Variants in CPPED1 observed in about 807,000 individuals in gnomAD.
CPPED1 encodes the protein calcineurin like phosphoesterase domain containing 1, also known as serine/threonine-protein phosphatase CPPED1.
CPPED1 carries 28 observed loss-of-function variants against 28.0 expected under a neutral mutation model. The ratio of observed to expected loss-of-function variants is 1.00; its 90% CI spans 0.74 to 1.37. The LOEUF (loss-of-function observed/expected upper bound fraction) is 1.37, where lower values mean the gene tolerates loss of function less well. CPPED1 is among the 40% of genes most tolerant of loss of function. CPPED1 has a pLI of 0.00. For synonymous variants in CPPED1, 198 were observed against 180.2 expected, an observed-to-expected ratio of 1.10 and a Z score of -0.79; for missense variants, 504 against 416.5, an observed-to-expected ratio of 1.21 and a Z score of -1.83.
At chr16:12,742,155 G>A (rs559351766) in intron 2 of CPPED1, among the ~76,000 whole-genome samples, 1 of 152,296 alleles carries the variant, frequency 6.6e-6, no homozygotes, top group East Asian at 1.9e-4. Flanking sequence ...ATGTGGAAAT[G>A]ACCATGATAC....
At chr16:12,789,955 C>T (rs766227283) in intron 1 of CPPED1, among the ~76,000 whole-genome samples, 4 of 152,176 alleles carry the variant, frequency 2.6e-5, no homozygotes, top group South Asian at 2.1e-4. Context: ...TTCCACATTT[C>T]GGCTAACTTA....
chr16:12,783,371 T>A (rs2080543793), intron 1 of CPPED1, among the ~76,000 whole-genome samples: 1 of 151,784 alleles, frequency 6.6e-6, no homozygotes, highest in Admixed American at 6.6e-5. Context: ...TGGTGGTGCA[T>A]CCCTATAGTC....
chr16:12,715,717 G>A (rs144428946), intron 2 of CPPED1, among the ~76,000 whole-genome samples: 6 of 152,156 alleles, frequency 3.9e-5, no homozygotes, highest in Admixed American at 3.3e-4. Context: ...TAGTAGAGAC[G>A]GAGTTTCTCC....
At position 12,704,711 on chromosome 16, in the gene CPPED1, G is replaced by C; in HGVS notation, c.628C>G (p.Leu210Val). The change falls in exon 3 of 4, where the codon CTG becomes GTG. Residue 210 changes from leucine to valine, a missense_variant. By Grantham distance (32) the Leu-to-Val change is conservative. Transcript: ENST00000381774. ...TCGTCGTCCTCGTCGATGCTCTCCA[G>C]GAACAGCGGGATGTGCTGGAAGACG... The part of the protein sequence containing the change: ...AIVFQHIPLF[L>V]ESIDEDDDYY... 1 of 1,614,218 alleles carries C rather than the reference G, an allele frequency of 6.2e-7. No homozygotes were observed. The highest frequency in any genetic ancestry group is 8.5e-7 in the Non-Finnish European group (1 of 1,180,042).
chr16:12,785,561 G>A (rs1214346965), intron 1 of CPPED1, among the ~76,000 whole-genome samples: 2 of 151,662 alleles, frequency 1.3e-5, no homozygotes, highest in East Asian at 1.9e-4. Context: ...CCGAGTAGCT[G>A]CGATTACAGG....
At chr16:12,702,060 T>G (rs754710763) in intron 3 of CPPED1, among the ~76,000 whole-genome samples, 1 of 152,186 alleles carries the variant, frequency 6.6e-6, no homozygotes, top group Non-Finnish European at 1.5e-5. Flanking sequence ...ATTAATCAAC[T>G]GCCATTCTGG....
Position 12,745,358 on chromosome 16 carries a change from G to C in CPPED1, c.289+35827C>G, listed in dbSNP as rs11075152. ...GGAATATAAAGCATTCTACCATAAA[G>C]TCACATGCATGCGAATGTGCACTGC... is the stretch of plus-strand genomic sequence containing the variant. On this transcript the variant is annotated intron_variant, in intron 2 of 3. Coordinates refer to ENST00000381774, the MANE Select transcript of CPPED1 (RefSeq NM_018340.3). Among the ~76,000 whole-genome samples the C allele has an allele frequency of 1.5e-4, 23 of 152,286 alleles. No individual in the cohort carries two copies. The East Asian group carries it at 4.2e-3, about 28-fold the overall frequency.
At chr16:12,793,956 T>C (rs2080611468) in intron 1 of CPPED1, among the ~76,000 whole-genome samples, 3 of 152,194 alleles carry the variant, frequency 2.0e-5, no homozygotes, top group African/African-American at 4.8e-5. Context: ...TTTCTCACAA[T>C]AGCAATCTGC....
At chr16:12,801,961 C>T (rs1283574642) in intron 1 of CPPED1, among the ~76,000 whole-genome samples, 1 of 152,140 alleles carries the variant, frequency 6.6e-6, no homozygotes, top group Non-Finnish European at 1.5e-5. Context: ...CCTTGACCTT[C>T]AGGGGTGGGG....
At chr16:12,799,304 C>T (rs541185319) in intron 1 of CPPED1, among the ~76,000 whole-genome samples, 19 of 148,904 alleles carry the variant, frequency 1.3e-4, no homozygotes, top group African/African-American at 4.7e-4. Context: ...TAGAGTGCAG[C>T]GGGCAATCTT....
intron 3 of CPPED1, among the ~76,000 whole-genome samples, chr16:12,669,887 A>G (rs2079845166): frequency 6.6e-6 from 1 of 152,234 alleles, no homozygotes; most frequent in Non-Finnish European, 1.5e-5. Flanking sequence ...AAAACCCTGC[A>G]ACGATGGGGT....
At chr16:12,672,166 C>A (rs1237211831) in intron 3 of CPPED1, among the ~76,000 whole-genome samples, 1 of 152,244 alleles carries the variant, frequency 6.6e-6, no homozygotes, top group African/African-American at 2.4e-5. Context: ...TGCATGACTG[C>A]AATTCCATTG....
At chr16:12,737,697 T>C (rs2080233815) in intron 2 of CPPED1, among the ~76,000 whole-genome samples, 1 of 152,154 alleles carries the variant, frequency 6.6e-6, no homozygotes, top group Non-Finnish European at 1.5e-5. Flanking sequence ...GAGGCTGCAG[T>C]GGTCAGAGGG....
chr16:12,766,256 T>TATATATATAGAGAGAGAGAG, intron 2 of CPPED1, among the ~76,000 whole-genome samples: 2 of 134,250 alleles, frequency 1.5e-5, no homozygotes, highest in African/African-American at 7.0e-5. Context: ...TATATATATA[T>TATATATATAGAGAGAGAGAG]AGAGAGAGAG....
intron 1 of CPPED1, among the ~76,000 whole-genome samples, chr16:12,801,596 C>G (rs2080659999): frequency 6.6e-6 from 1 of 151,976 alleles, no homozygotes; most frequent in Non-Finnish European, 1.5e-5. Flanking sequence ...CAGAACATAG[C>G]TTGTAGGTAT....
rs184843193 is a variant in CPPED1, at chr16:12,803,634, T to A, written c.70+73A>T. The A allele has an allele frequency of 3.1e-6, 4 of 1,307,770 alleles. No individual in the cohort carries two copies. In the African/African-American group the frequency reaches 6.3e-5, roughly 20 times the overall value. 81.0% of individuals were successfully genotyped at this position (1,307,770 alleles called of 1,614,324 possible). A position where few individuals can be genotyped will look rare whatever the true frequency, so the allele number is the denominator to read the frequency against. On this transcript the variant is annotated intron_variant, in intron 1 of 3. Coordinates refer to ENST00000381774, the MANE Select transcript of CPPED1 (RefSeq NM_018340.3). The stretch of plus-strand genomic sequence containing the variant: ...GTGTCCGACTGGCGGAGCGCACACC[T>A]GAACAAAAGGTTCCCCCGGCGGAAG...
At chr16:12,698,600 T>C (rs766517748) in intron 3 of CPPED1, among the ~76,000 whole-genome samples, 10 of 152,104 alleles carry the variant, frequency 6.6e-5, no homozygotes, top group African/African-American at 9.7e-5. Context: ...CCCGGCTAAT[T>C]TCTATATTTT....
At chr16:12,756,427 G>C (rs965642747) in intron 2 of CPPED1, among the ~76,000 whole-genome samples, 1 of 152,214 alleles carries the variant, frequency 6.6e-6, no homozygotes, top group Admixed American at 6.5e-5. Context: ...AGGTGCGGTG[G>C]CTCATGTCTG....
At chr16:12,772,586 G>A (rs1184066010) in intron 2 of CPPED1, among the ~76,000 whole-genome samples, 1 of 151,994 alleles carries the variant, frequency 6.6e-6, no homozygotes, top group Non-Finnish European at 1.5e-5. Context: ...GAGTCTCTTT[G>A]GTCCCAATAG....
Sources: gnomAD v4.1 joint callset for allele counts (sites outside exome capture counted in the v4.1 genomes callset) on GRCh38, gnomAD v4.1.1 for gene constraint, MANE v1.5 for transcripts, NCBI Gene and HGNC (gene_info 2026-07-23, HGNC 2026-07-21) for gene names.